Variants in RAB2B observed in about 807,000 individuals in gnomAD.
The protein encoded by RAB2B is RAB2B, member RAS oncogene family, also known as ras-related protein Rab-2B.
In RAB2B, 20 loss-of-function variants were observed where a neutral mutation model predicts 29.8. The ratio of observed to expected loss-of-function variants is 0.67; its 90% CI spans 0.47 to 0.97. RAB2B has a LOEUF of 0.97. Ranked by LOEUF, RAB2B falls within the 50% of genes least tolerant of loss-of-function variation. RAB2B has a pLI of 0.00. For missense variants in RAB2B, 218 were observed against 272.0 expected, an observed-to-expected ratio of 0.80 and a Z score of 1.40; for synonymous variants, 93 against 91.7, an observed-to-expected ratio of 1.01 and a Z score of -0.08.
intron 5 of RAB2B, 58 bp downstream of exon 5, chr14:21,468,299 G>A: frequency 1.5e-6 from 2 of 1,313,592 alleles, no homozygotes; most frequent in Non-Finnish European, 2.2e-6. Context: ...GGGGATCAAT[G>A]TGCATAGAGT....
In RAB2B at chr14:21,461,261, A is replaced by T; in HGVS notation, c.586T>A (p.Ser196Thr). The T allele has an allele frequency of 1.2e-6, 2 of 1,613,846 alleles. No individual in the cohort carries two copies. Among genetic ancestry groups the T allele is most frequent in the African/African-American group, 1.3e-5 (1 of 75,008 alleles). The change falls in exon 8 of 8, where the codon TCA (serine) becomes ACA (threonine). Residue 196 changes from serine to threonine, a missense_variant. Physicochemically the swap from Ser to Thr is moderately conservative, Grantham distance 58 (BLOSUM62 1). Transcript: ENST00000397762. ...CGCTGGGAGGCACTGGGTCCCACTGATGTTGAAATTGACTGTTGGGGCCCA... is the reference window on the plus strand; with the variant it reads ...CGCTGGGAGGCACTGGGTCCCACTGTTGTTGAAATTGACTGTTGGGGCCCA... ...KIGPQQSIST[S>T]VGPSASQRNS...
intron 2 of RAB2B, 175 bp downstream of exon 2, chr14:21,476,353 A>T: frequency 9.2e-6 from 6 of 650,028 alleles, no homozygotes; most frequent in Non-Finnish European, 1.6e-5. Context: ...TCTCCCTTAC[A>T]CTACTCCCCA....
chr14:21,474,024 C>A (rs1566473766), intron 3 of RAB2B, among the ~76,000 whole-genome samples: 1 of 151,728 alleles, frequency 6.6e-6, no homozygotes, highest in Non-Finnish European at 1.5e-5. Flanking sequence ...AAAAAAAATA[C>A]AAAAAATACA....
intron 7 of RAB2B, 50 bp downstream of exon 7, chr14:21,462,300 G>C: frequency 6.6e-7 from 1 of 1,505,564 alleles, no homozygotes; most frequent in Non-Finnish European, 9.1e-7. Flanking sequence ...ACCTCCAGTT[G>C]TATTCAGAAC....
At chr14:21,471,488 C>T (rs1273678697) in intron 3 of RAB2B, among the ~76,000 whole-genome samples, 1 of 151,656 alleles carries the variant, frequency 6.6e-6, no homozygotes, top group Non-Finnish European at 1.5e-5. Context: ...TGTGATGGCA[C>T]ACATCTGTAG....
rs1472142242 is a variant in RAB2B, at chr14:21,460,577, C to T, written c.*619G>A. On this transcript the variant is annotated 3_prime_UTR_variant, in exon 8 of 8. Transcript: ENST00000397762. ...TCCAGCCTGGAGACAGAGTGAGACT[C>T]CATCCCCCCAAAAAAAAAAAAAAAA... 1.2e-5 allele frequency: 1 copy of T among 84,426 alleles called. No homozygotes were observed. Among genetic ancestry groups the T allele is most frequent in the East Asian group, 3.7e-4 (1 of 2,736 alleles). The allele number at this position is 84,426 out of a possible 1,614,324, so 5.2% of individuals were successfully genotyped here.
chr14:21,463,221 A>T (rs905578386), intron 6 of RAB2B, among the ~76,000 whole-genome samples: 2 of 151,176 alleles, frequency 1.3e-5, no homozygotes, highest in Non-Finnish European at 2.9e-5. Context: ...TGAGACATGT[A>T]GTCACTACGA....
At chr14:21,469,078 G>A (rs1890748834) in intron 3 of RAB2B, among the ~76,000 whole-genome samples, 1 of 150,660 alleles carries the variant, frequency 6.6e-6, no homozygotes, top group Admixed American at 6.7e-5. Flanking sequence ...AGACGATGAA[G>A]ACATTTGCAT....
At position 21,468,365 on chromosome 14, in the gene RAB2B, C is replaced by T. The variant is rs772147641; in HGVS notation, c.354G>A (p.Gly118=). 34 of 1,612,720 alleles carry T rather than the reference C, an allele frequency of 2.1e-5. No individual in the cohort carries two copies. Among genetic ancestry groups the T allele is most frequent in the Non-Finnish European group, 2.7e-5 (32 of 1,178,944 alleles). The part of the protein sequence containing the change: ...SSSNMVIMLI[G]NKSDLESRRD... ...CATGGATACAATTTTACCTCTTATT[C>T]CCAATGAGCATGATAACCATGTTGG... Residue 118 remains glycine (G), a synonymous_variant, in exon 5 of 8, where the codon GGG becomes GGA. Coordinates refer to ENST00000397762, the MANE Select transcript of RAB2B (RefSeq NM_032846.4).
intron 5 of RAB2B, among the ~76,000 whole-genome samples, chr14:21,466,120 G>A (rs1020471651): frequency 6.6e-6 from 1 of 152,202 alleles, no homozygotes; most frequent in Non-Finnish European, 1.5e-5. Flanking sequence ...AGAGCAGGGG[G>A]ACGACTTTTT....
Position 21,468,651 on chromosome 14 carries a change from T to C in RAB2B, c.269+19A>G, listed in dbSNP as rs531725125. On this transcript the variant is annotated intron_variant, in intron 4 of 7. Coordinates refer to ENST00000397762, the MANE Select transcript of RAB2B (RefSeq NM_032846.4). ...GATTTAGGGAAGAATCTCCCTCCCA[T>C]GCACCAGATCTGGCTCACCTTGTAA... The C allele has an allele frequency of 3.9e-6, 6 of 1,528,342 alleles. No homozygotes were observed. In the East Asian group the frequency reaches 6.8e-5, roughly 17 times the overall value. The allele number at this position is 1,528,342 out of a possible 1,614,324, so 94.7% of individuals were successfully genotyped here. A position where few individuals can be genotyped will look rare whatever the true frequency, so the allele number is the denominator to read the frequency against.
intron 5 of RAB2B, among the ~76,000 whole-genome samples, chr14:21,464,378 C>T (rs1890639382): frequency 2.0e-5 from 3 of 151,796 alleles, no homozygotes; most frequent in African/African-American, 7.3e-5. Context: ...CCAGCCTCAG[C>T]GACAGAGCAA....
chr14:21,472,885 T>C (rs77356986), intron 3 of RAB2B, among the ~76,000 whole-genome samples: 102 of 152,094 alleles, frequency 6.7e-4, no homozygotes, highest in East Asian at 2.3e-3. Flanking sequence ...TGGGTTTTTT[T>C]CCCCAGCATC....
chr14:21,476,381 G>T, intron 2 of RAB2B, 147 bp downstream of exon 2: 1 of 759,916 alleles, frequency 1.3e-6, no homozygotes, highest in Non-Finnish European at 2.2e-6. Flanking sequence ...ACGTTTCATT[G>T]GTCACTTCAT....
chr14:21,468,606 A>G, intron 4 of RAB2B, 64 bp downstream of exon 4: 1 of 1,403,552 alleles, frequency 7.1e-7, no homozygotes. Context: ...GTAGATAGAA[A>G]AAAAAAAAAA....
At chr14:21,475,015 A>G (rs1890913725) in intron 2 of RAB2B, 81 bp from the exon 3 acceptor site, 2 of 1,064,112 alleles carry the variant, frequency 1.9e-6, no homozygotes, top group African/African-American at 1.6e-5. Flanking sequence ...CCTTTCCTCA[A>G]TGTGTTATAA....
chr14:21,468,308 G>C (rs1890729864), intron 5 of RAB2B, 49 bp downstream of exon 5: 1 of 1,392,840 alleles, frequency 7.2e-7, no homozygotes, highest in Non-Finnish European at 1.0e-6. Context: ...TGTGCATAGA[G>C]TACCTAGATG....
rs758240846 is a variant in RAB2B at position 21,468,709 on chromosome 14, C to T, written c.230G>A (p.Arg77Lys). 3 of 1,578,918 alleles carry T rather than the reference C, an allele frequency of 1.9e-6. No homozygotes were observed. The highest frequency in any genetic ancestry group is 2.6e-6 in the Non-Finnish European group (3 of 1,164,628). The stretch of plus-strand genomic sequence containing the variant: ...CACCAGCAGTGCTCCAGCTGCTCCC[C>T]TGTAGTAGGAACGGGTGATAGAACG... ...SFRSITRSYY[R>K]GAAGALLVYD... The change falls in exon 4 of 8, where the codon AGG becomes AAG. Residue 77 changes from arginine (R) to lysine (K), a missense_variant. Coordinates refer to ENST00000397762, the MANE Select transcript of RAB2B (RefSeq NM_032846.4).
chr14:21,462,750 A>T (rs2139592605), intron 6 of RAB2B, among the ~76,000 whole-genome samples: 1 of 151,732 alleles, frequency 6.6e-6, no homozygotes, highest in East Asian at 1.9e-4. Context: ...AAGGCACGAA[A>T]ATCGCTTAAA....
Sources: allele counts gnomAD v4.1 joint callset (sites outside exome capture counted in the v4.1 genomes callset), GRCh38; gene constraint gnomAD v4.1.1; transcripts MANE v1.5; gene names NCBI Gene and HGNC (gene_info 2026-07-23, HGNC 2026-07-21).